PTPRC: variants seen among roughly 807,000 people sequenced by gnomAD.
The protein encoded by PTPRC is receptor-type tyrosine-protein phosphatase C.
PTPRC carries 44 observed loss-of-function variants against 155.9 expected under a neutral mutation model. The observed-to-expected ratio is 0.28, with a 90% CI of 0.22 to 0.36. The LOEUF (loss-of-function observed/expected upper bound fraction) is 0.36. PTPRC is among the 10% of genes least tolerant of loss of function. PTPRC has a pLI of 1.00. For missense variants in PTPRC, 1,401 were observed against 1,564.6 expected (o/e 0.90, Z 1.76); for synonymous variants, 525 against 533.1 (o/e 0.98, Z 0.21).
At chr1:198,707,033 G>GAACA in intron 9 of PTPRC, 81 bp downstream of exon 9, 1 of 1,197,098 alleles carries the variant, frequency 8.4e-7, no homozygotes, top group Non-Finnish European at 1.2e-6. Flanking sequence ...GGTCACAGGA[G>GAACA]CTAGTCTGGT....
chr1:198,640,617 AAGT>A (rs1342425441), intron 2 of PTPRC, among the ~76,000 whole-genome samples: 1 of 152,044 alleles, frequency 6.6e-6, no homozygotes, highest in Non-Finnish European at 1.5e-5. Flanking sequence ...TGATAATAAA[AAGT>A]AAATTATAAA....
chr1:198,734,421 A>T lies in PTPRC; in HGVS notation c.2273A>T (p.Asn758Ile). 6.2e-7 allele frequency: 1 copy of T among 1,610,588 alleles called. No individual in the cohort carries two copies. Among genetic ancestry groups the T allele is most frequent in the Non-Finnish European group, 8.5e-7 (1 of 1,177,482 alleles). The change falls in exon 22 of 33, where the codon AAC (asparagine) becomes ATC (isoleucine). Residue 758 changes from asparagine (N) to isoleucine (I), a missense_variant. By Grantham distance (149) the Asn-to-Ile change is moderately radical (BLOSUM62 -3). Transcript: ENST00000442510. ...IVMVTRCEEG[N>I]RNKCAEYWPS... ...ATGGTCACTCGATGTGAAGAAGGAA[A>T]CAGGGTAAGAACCAAGAAGATTCAT...
intron 2 of PTPRC, among the ~76,000 whole-genome samples, chr1:198,653,817 G>A (rs1041926905): frequency 1.3e-4 from 20 of 151,810 alleles, no homozygotes; most frequent in Non-Finnish European, 2.7e-4. Flanking sequence ...TATTCCACAT[G>A]TAAAGTAGAA....
chr1:198,649,469 G>T (rs895490156), intron 2 of PTPRC, among the ~76,000 whole-genome samples: 1 of 151,892 alleles, frequency 6.6e-6, no homozygotes, highest in African/African-American at 2.4e-5. Context: ...AAAGGAAAAG[G>T]TCAGGGAGCT....
intron 18 of PTPRC, 65 bp downstream of exon 18, chr1:198,731,791 T>G: frequency 1.6e-6 from 2 of 1,257,708 alleles, no homozygotes; most frequent in Non-Finnish European, 2.3e-6. Flanking sequence ...TTAAGTGTAT[T>G]TATATTGCCA....
At chr1:198,672,640 T>G (rs1664711663) in intron 2 of PTPRC, among the ~76,000 whole-genome samples, 1 of 151,822 alleles carries the variant, frequency 6.6e-6, no homozygotes, top group Non-Finnish European at 1.5e-5. Flanking sequence ...CAGCTATTTT[T>G]TTTTTTTTTG....
intron 17 of PTPRC, among the ~76,000 whole-genome samples, chr1:198,731,189 T>C (rs1483626463): frequency 1.3e-5 from 2 of 152,084 alleles, no homozygotes; most frequent in Non-Finnish European, 2.9e-5. Context: ...ATAAGGGTAT[T>C]AATCATATTG....
intron 5 of PTPRC, among the ~76,000 whole-genome samples, chr1:198,700,346 G>A (rs573357537): frequency 9.2e-5 from 14 of 152,230 alleles, no homozygotes; most frequent in African/African-American, 2.6e-4. Context: ...ACACAGTCTC[G>A]TATATAATTT....
chr1:198,707,931 G>T (rs1442922927), intron 9 of PTPRC, among the ~76,000 whole-genome samples: 1 of 152,156 alleles, frequency 6.6e-6, no homozygotes, highest in East Asian at 1.9e-4. Context: ...AAAATATATG[G>T]TGCTAAAAAT....
At chr1:198,744,530 T>C (rs948159842) in intron 26 of PTPRC, among the ~76,000 whole-genome samples, 30 of 151,884 alleles carry the variant, frequency 2.0e-4, no homozygotes, top group African/African-American at 2.4e-4. Flanking sequence ...ATACAGCATA[T>C]CACCTTTAAA....
chr1:198,723,670 C>T (rs1006786465), intron 15 of PTPRC, among the ~76,000 whole-genome samples: 2 of 152,114 alleles, frequency 1.3e-5, no homozygotes, highest in African/African-American at 4.8e-5. Context: ...CTTAATAGGC[C>T]AGATCTGAAA....
intron 29 of PTPRC, among the ~76,000 whole-genome samples, chr1:198,751,887 T>G (rs1655400447): frequency 6.6e-6 from 1 of 151,976 alleles, no homozygotes; most frequent in Non-Finnish European, 1.5e-5. Flanking sequence ...GAAAGGGTCA[T>G]GAATAACATT....
intron 10 of PTPRC, among the ~76,000 whole-genome samples, chr1:198,708,903 G>A (rs1180374437): frequency 6.6e-6 from 1 of 152,234 alleles, no homozygotes; most frequent in Non-Finnish European, 1.5e-5. Context: ...AGACAGATGT[G>A]CTCAGGTGTG....
intron 2 of PTPRC, among the ~76,000 whole-genome samples, chr1:198,688,755 C>T (rs890004973): frequency 6.6e-6 from 1 of 152,144 alleles, no homozygotes; most frequent in African/African-American, 2.4e-5. Context: ...TTTTAATAAA[C>T]ACCTTCTGTA....
Position 198,712,958 on chromosome 1 carries a change from G to A in PTPRC, c.1177G>A (p.Gly393Arg). The change falls in exon 12 of 33, where the codon GGA (glycine) becomes AGA (arginine). Residue 393 changes from glycine (G) to arginine (R), a missense_variant. By Grantham distance (125) the Gly-to-Arg change is moderately radical (BLOSUM62 -2). This residue lies in a region of PTPRC where 867 missense variants were observed against 970.4 expected (regional missense o/e 0.89). Coordinates refer to ENST00000442510, the MANE Select transcript of PTPRC (RefSeq NM_002838.5). ...CATTCTTATTCTTTTAACAGGTCCA[G>A]GAGAGCCTCAGATTATTTTTTGTAG... The part of the protein sequence containing the change: ...KIIKTDFGSP[G>R]EPQIIFCRSE... 2 of 1,612,324 alleles carry A rather than the reference G, an allele frequency of 1.2e-6. No homozygotes were observed. Among genetic ancestry groups the A allele is most frequent in the East Asian group, 2.2e-5 (1 of 44,806 alleles).
intron 2 of PTPRC, among the ~76,000 whole-genome samples, chr1:198,645,632 A>C (rs1327096597): frequency 6.6e-6 from 1 of 151,826 alleles, no homozygotes; most frequent in Non-Finnish European, 1.5e-5. Flanking sequence ...ATGTGAGCCC[A>C]TGAAATCAGA....
At chr1:198,716,361 A>G (rs916925368) in intron 12 of PTPRC, among the ~76,000 whole-genome samples, 3 of 152,266 alleles carry the variant, frequency 2.0e-5, no homozygotes, top group East Asian at 1.9e-4. Context: ...CTTACAGTAT[A>G]CACTGGGGGC....
chr1:198,662,636 T>C (rs1664040146), intron 2 of PTPRC, among the ~76,000 whole-genome samples: 1 of 152,084 alleles, frequency 6.6e-6, no homozygotes, highest in African/African-American at 2.4e-5. Context: ...TAATTAGGAA[T>C]ATTGAAAAAC....
chr1:198,639,276 T>C lies in PTPRC; in HGVS notation c.8T>C (p.Met3Thr), dbSNP rs772724488. 6 of 1,613,288 alleles carry C rather than the reference T, an allele frequency of 3.7e-6. No individual in the cohort carries two copies. Among genetic ancestry groups the C allele is most frequent in the East Asian group, 2.2e-5 (1 of 44,844 alleles). The part of the protein sequence containing the change: MT[M>T]YLWLKLLAFG... ...CACGGCTGACTTCCAGATATGACCA[T>C]GTATTTGTGGCTTAAACTCTTGGCA... The change falls in exon 2 of 33, where the codon ATG (methionine) becomes ACG (threonine). Residue 3 changes from methionine to threonine, a missense_variant. By Grantham distance (81) the Met-to-Thr change is moderately conservative. Around this residue, in one of 3 missense-constraint regions of PTPRC, gnomAD observed 867 missense variants for 970.4 expected, o/e 0.89. Coordinates refer to ENST00000442510, the MANE Select transcript of PTPRC (RefSeq NM_002838.5).
Sources: allele counts gnomAD v4.1 joint callset (sites outside exome capture counted in the v4.1 genomes callset), GRCh38; gene constraint gnomAD v4.1.1; regional missense constraint gnomAD v4.1.1; transcripts MANE v1.5; gene names NCBI Gene and HGNC (gene_info 2026-07-23, HGNC 2026-07-21).